The following HPSE2 variants were observed in gnomAD, a reference collection of about 807,000 sequenced individuals.
HPSE2 encodes heparanase 2 (inactive), also known as inactive heparanase-2.
A neutral mutation model predicts 60.5 loss-of-function variants in HPSE2; 38 were observed. That is an observed-to-expected ratio of 0.63 (90% CI 0.48 to 0.82). The LOEUF (loss-of-function observed/expected upper bound fraction) is 0.82. HPSE2 is among the 40% of genes least tolerant of loss of function. The pLI, the probability that HPSE2 is intolerant of heterozygous loss-of-function variation, is 0.00. For missense variants in HPSE2, 713 were observed against 740.4 expected, an observed-to-expected ratio of 0.96 and a Z score of 0.43; for synonymous variants, 295 against 293.2, an observed-to-expected ratio of 1.01 and a Z score of -0.06.
intron 3 of HPSE2, among the ~76,000 whole-genome samples, chr10:99,069,865 A>G (rs1842732002): frequency 6.6e-6 from 1 of 152,096 alleles, no homozygotes; most frequent in African/African-American, 2.4e-5. Flanking sequence ...AAAAAACTAT[A>G]CTTACTTGAA....
intron 7 of HPSE2, among the ~76,000 whole-genome samples, chr10:98,625,471 T>G (rs1388312021): frequency 2.6e-5 from 4 of 152,186 alleles, no homozygotes; most frequent in Non-Finnish European, 5.9e-5. Context: ...ACAAGGTGAT[T>G]TGGATACCAG....
intron 3 of HPSE2, among the ~76,000 whole-genome samples, chr10:98,883,455 T>C (rs1201404204): frequency 1.3e-5 from 2 of 152,060 alleles, no homozygotes; most frequent in Non-Finnish European, 2.9e-5. Context: ...ACAGTAGTAA[T>C]AAAGCAGAGT....
In HPSE2 at chr10:98,526,096, C is replaced by T. The variant is rs114295627; in HGVS notation, c.1321-35900G>A. On this transcript the variant is annotated intron_variant, in intron 9 of 11. Coordinates refer to ENST00000370552, the MANE Select transcript of HPSE2 (RefSeq NM_021828.5). ...AAAAATTCCACAGCCTCAGAAGCCA[C>T]AGTTTCTGCTATTTCTAGCCTGCTA... Among the ~76,000 whole-genome samples, 1,163 of 152,250 alleles carry T rather than the reference C, an allele frequency of 7.6e-3. 9 individuals are homozygous for T. The highest frequency in any genetic ancestry group is 0.027 in the African/African-American group (1,112 of 41,542).
intron 9 of HPSE2, among the ~76,000 whole-genome samples, chr10:98,574,459 T>G (rs1338499405): frequency 6.6e-6 from 1 of 152,172 alleles, no homozygotes; most frequent in Non-Finnish European, 1.5e-5. Context: ...AATTAAAAAT[T>G]AATTCAAAAG....
At chr10:99,264,852 C>T in the HPSE2 span, among the ~76,000 whole-genome samples, 1 of 152,112 alleles carries the variant, frequency 6.6e-6, no homozygotes, top group Non-Finnish European at 1.5e-5. Flanking sequence ...ATCTCTCCCA[C>T]TGTAGGTTCC....
intron 3 of HPSE2, among the ~76,000 whole-genome samples, chr10:98,947,798 A>G (rs1362104985): frequency 6.6e-6 from 1 of 152,188 alleles, no homozygotes; most frequent in African/African-American, 2.4e-5. Flanking sequence ...TAGTTGTACA[A>G]TAAGAAGGCC....
At position 98,521,335 on chromosome 10, in the gene HPSE2, A is replaced by T. The variant is rs1299880767; in HGVS notation, c.1321-31139T>A. 3.3e-5 allele frequency among the ~76,000 whole-genome samples: 5 copies of T among 152,248 alleles called. No individual in the cohort carries two copies. The East Asian group carries it at 5.8e-4, about 18-fold the overall frequency. On this transcript the variant is annotated intron_variant, in intron 9 of 11. Coordinates refer to ENST00000370552, the MANE Select transcript of HPSE2 (RefSeq NM_021828.5). ...AAAAGTGGGCAAAGGATATGAACAG[A>T]CACTTCTCAGAAGAAGACATTTATG... is the stretch of plus-strand genomic sequence containing the variant.
intron 3 of HPSE2, among the ~76,000 whole-genome samples, chr10:99,022,142 C>T (rs765602724): frequency 1.3e-4 from 19 of 150,526 alleles, no homozygotes; most frequent in Non-Finnish European, 2.5e-4. Flanking sequence ...CCTTCTCTGC[C>T]TACCAGCAGT....
At chr10:98,821,044 G>T (rs534081085) in intron 3 of HPSE2, among the ~76,000 whole-genome samples, 3 of 152,072 alleles carry the variant, frequency 2.0e-5, no homozygotes, top group Non-Finnish European at 4.4e-5. Flanking sequence ...AATCTAAGTG[G>T]CCAGCTAAAA....
At chr10:99,243,278 A>G in the HPSE2 span, among the ~76,000 whole-genome samples, 1 of 151,740 alleles carries the variant, frequency 6.6e-6, no homozygotes. Context: ...GCTTGAACCC[A>G]GGAGGCGGAG....
At chr10:98,499,753 C>A (rs1352288292) in intron 9 of HPSE2, among the ~76,000 whole-genome samples, 4 of 152,188 alleles carry the variant, frequency 2.6e-5, no homozygotes, top group Non-Finnish European at 5.9e-5. Context: ...AAGAACTCAA[C>A]AACCAACTAT....
intron 2 of HPSE2, among the ~76,000 whole-genome samples, chr10:99,192,171 G>A (rs1181529097): frequency 6.6e-6 from 1 of 152,100 alleles, no homozygotes; most frequent in Non-Finnish European, 1.5e-5. Flanking sequence ...AAAGAATGAA[G>A]TAGAAAGTTT....
intron 3 of HPSE2, among the ~76,000 whole-genome samples, chr10:98,990,985 C>T (rs1956509561): frequency 1.3e-5 from 2 of 152,176 alleles, no homozygotes; most frequent in Admixed American, 6.5e-5. Context: ...TCATACTGGT[C>T]TATTAACTGT....
In HPSE2 at chr10:98,894,995, A is replaced by G. The variant is rs543346154; in HGVS notation, c.611-150939T>C. Among the ~76,000 whole-genome samples, 105 of 152,234 alleles carry G rather than the reference A, an allele frequency of 6.9e-4. 1 individual carries two copies. The highest frequency in any genetic ancestry group is 2.5e-3 in the African/African-American group (102 of 41,572). On this transcript the variant is annotated intron_variant, in intron 3 of 11. Transcript: ENST00000370552. ...GAAAGTGATGAGAAAACAAATAACC[A>G]TCAACCTGGAATTGTATACAAGTTG...
chr10:98,713,972 A>G (rs550141119), intron 5 of HPSE2, among the ~76,000 whole-genome samples: 6 of 151,848 alleles, frequency 4.0e-5, no homozygotes, highest in Admixed American at 3.3e-4. Context: ...TCTACCTTCT[A>G]TTTCTATCAA....
intron 6 of HPSE2, among the ~76,000 whole-genome samples, chr10:98,664,180 G>A (rs985327462): frequency 6.6e-6 from 1 of 152,048 alleles, no homozygotes; most frequent in African/African-American, 2.4e-5. Flanking sequence ...AACTTGCTTG[G>A]GCTTTCAGTA....
intron 5 of HPSE2, among the ~76,000 whole-genome samples, chr10:98,712,334 T>C (rs966967708): frequency 1.3e-5 from 2 of 151,764 alleles, no homozygotes; most frequent in African/African-American, 2.4e-5. Flanking sequence ...TTTATACCAA[T>C]GGAGTGTAAA....
At chr10:98,742,256 G>A (rs991803169) in intron 4 of HPSE2, among the ~76,000 whole-genome samples, 6 of 152,150 alleles carry the variant, frequency 3.9e-5, no homozygotes, top group Non-Finnish European at 7.4e-5. Flanking sequence ...GAGAAAAGCA[G>A]AGAAAGAGGA....
In HPSE2 at chr10:98,964,648, G is replaced by A. The variant is rs528132567; in HGVS notation, c.610+179590C>T. On this transcript the variant is annotated intron_variant, in intron 3 of 11. Transcript: ENST00000370552. ...GATCTATTTGCAATCTTCTGCTCTT[G>A]TATCTATCAAAAGTTCCTAATCCTT... Among the ~76,000 whole-genome samples, 10 of 152,032 alleles carry A rather than the reference G, an allele frequency of 6.6e-5. No homozygotes were observed. The South Asian group carries it at 1.9e-3, about 28-fold the overall frequency.
Sources: gnomAD v4.1 joint callset for allele counts (sites outside exome capture counted in the v4.1 genomes callset) on GRCh38, gnomAD v4.1.1 for gene constraint, MANE v1.5 for transcripts, NCBI Gene and HGNC (gene_info 2026-07-23, HGNC 2026-07-21) for gene names.